Variants in BLTP1 observed in about 807,000 individuals in gnomAD.
BLTP1 encodes the protein fragile site-associated protein.
chr4:122,341,869 G>A, the BLTP1 span: 1 of 959,774 alleles, frequency 1.0e-6, no homozygotes, highest in Non-Finnish European at 1.2e-6. Context: ...AGTAAGTATG[G>A]GTTAGCGAAG....
At chr4:122,298,288 A>C in the BLTP1 span, 1 of 809,154 alleles carries the variant, frequency 1.2e-6, no homozygotes, top group African/African-American at 1.8e-5. Flanking sequence ...GATGATTCCT[A>C]AATAACCTGC....
At chr4:122,268,176 T>A in the BLTP1 span, among the ~76,000 whole-genome samples, 1 of 152,118 alleles carries the variant, frequency 6.6e-6, no homozygotes, top group African/African-American at 2.4e-5. Context: ...TTATTATAAA[T>A]GTATAGGGAA....
At chr4:122,342,709 GA>G in the BLTP1 span, among the ~76,000 whole-genome samples, 4 of 152,214 alleles carry the variant, frequency 2.6e-5, no homozygotes, top group South Asian at 8.3e-4. Flanking sequence ...ACCACTGGAA[GA>G]AAAACAAATT....
the BLTP1 span, chr4:122,203,840 A>G: frequency 1.9e-6 from 1 of 538,308 alleles, no homozygotes; most frequent in Non-Finnish European, 2.4e-6. Context: ...AACATTTCAC[A>G]TGAGTTGTTA....
chr4:122,307,113 T>G, the BLTP1 span, among the ~76,000 whole-genome samples: 402 of 152,256 alleles, frequency 2.6e-3, 2 homozygotes, highest in African/African-American at 9.3e-3. Context: ...TTTTTTCAGA[T>G]TTTGGTATAT....
the BLTP1 span, among the ~76,000 whole-genome samples, chr4:122,170,951 C>G: frequency 6.6e-6 from 1 of 152,176 alleles, no homozygotes; most frequent in Non-Finnish European, 1.5e-5. Flanking sequence ...GCATTCTCAT[C>G]TGACTTAGGG....
At chr4:122,184,184 T>C in the BLTP1 span, among the ~76,000 whole-genome samples, 11 of 152,108 alleles carry the variant, frequency 7.2e-5, no homozygotes, top group Non-Finnish European at 1.0e-4. Context: ...GGCAGAAATA[T>C]TGGGCCTGCT....
the BLTP1 span, among the ~76,000 whole-genome samples, chr4:122,157,497 A>G: frequency 1.8e-4 from 28 of 152,236 alleles, no homozygotes; most frequent in African/African-American, 5.8e-4. Context: ...GGAGTGCACA[A>G]CCTAAATCCC....
chr4:122,246,532 A>C, the BLTP1 span: 49 of 1,083,792 alleles, frequency 4.5e-5, no homozygotes, highest in Non-Finnish European at 6.0e-5. Context: ...AATTATGATT[A>C]TTTTATGAGA....
the BLTP1 span, among the ~76,000 whole-genome samples, chr4:122,252,334 A>G: frequency 2.0e-5 from 3 of 152,212 alleles, no homozygotes; most frequent in African/African-American, 7.2e-5. Flanking sequence ...TGTGCAGAGC[A>G]CTAAGCAGGC....
the BLTP1 span, among the ~76,000 whole-genome samples, chr4:122,216,146 C>CTAT: frequency 7.1e-6 from 1 of 141,272 alleles, no homozygotes; most frequent in Non-Finnish European, 1.6e-5. Flanking sequence ...TATCTATCTA[C>CTAT]CACATTTTCT....
At chr4:122,310,171 A>G in the BLTP1 span, among the ~76,000 whole-genome samples, 494 of 152,136 alleles carry the variant, frequency 3.2e-3, 3 homozygotes, top group Non-Finnish European at 4.4e-3. Context: ...TGTTTATGTA[A>G]TTTTTTCCTC....
chr4:122,344,734 T>G, the BLTP1 span: 1 of 1,271,618 alleles, frequency 7.9e-7, no homozygotes, highest in Non-Finnish European at 1.0e-6. Flanking sequence ...AAGTAATAAA[T>G]GTTAGGAATA....
At chr4:122,210,748 A>G in the BLTP1 span, 10 of 1,073,870 alleles carry the variant, frequency 9.3e-6, no homozygotes, top group South Asian at 3.6e-5. Context: ...TTTTCATTAT[A>G]TATACATTAT....
At chr4:122,349,415 A>G in the BLTP1 span, 7 of 1,563,440 alleles carry the variant, frequency 4.5e-6, no homozygotes, top group South Asian at 5.9e-5. The surrounding 1 kb of genome is among the most constrained non-coding windows in gnomAD (Gnocchi z 4.5). Context: ...TCCCATGGAC[A>G]TGTCTGTCAA....
the BLTP1 span, chr4:122,261,601 T>A: frequency 1.0e-6 from 1 of 984,030 alleles, no homozygotes; most frequent in East Asian, 1.1e-4. Flanking sequence ...GAGAATTAAA[T>A]CTTAACACAC....
chr4:122,180,504 T>C, the BLTP1 span, among the ~76,000 whole-genome samples: 953 of 152,286 alleles, frequency 6.3e-3, 8 homozygotes, highest in African/African-American at 0.022. Flanking sequence ...TATTTAATCC[T>C]CACAACAACT....
chr4:122,201,838 C>T, the BLTP1 span: 1 of 979,350 alleles, frequency 1.0e-6, no homozygotes, highest in Non-Finnish European at 1.2e-6. Flanking sequence ...ATCCATCCAT[C>T]CATCCATTTG....
chr4:122,333,466 T>G, the BLTP1 span: 90 of 289,200 alleles, frequency 3.1e-4, no homozygotes, highest in East Asian at 0.011. Flanking sequence ...TTGCCCACTT[T>G]TTGATGGGGT....
Sources: gnomAD v4.1 joint callset for allele counts (sites outside exome capture counted in the v4.1 genomes callset) on GRCh38, gnomAD v4.1.1 for gene constraint, Gnocchi (gnomAD v3.1) non-coding constraint, MANE v1.5 for transcripts, NCBI Gene and HGNC (gene_info 2026-07-23, HGNC 2026-07-21) for gene names.